The following PIP4K2B variants were observed in gnomAD, a reference collection of about 807,000 sequenced individuals.
The protein encoded by PIP4K2B is phosphatidylinositol 5-phosphate 4-kinase type-2 beta.
A neutral mutation model predicts 42.0 loss-of-function variants in PIP4K2B; 3 were observed. That is an observed-to-expected ratio of 0.07 (90% CI 0.03 to 0.18). The LOEUF (loss-of-function observed/expected upper bound fraction) is 0.18, where lower values mean the gene tolerates loss of function less well. Ranked by LOEUF, PIP4K2B falls within the 10% of genes least tolerant of loss-of-function variation. The pLI is 1.00. For missense variants in PIP4K2B, 332 were observed against 562.3 expected, an observed-to-expected ratio of 0.59 and a Z score of 4.14; for synonymous variants, 204 against 210.1, an observed-to-expected ratio of 0.97 and a Z score of 0.25.
intron 7 of PIP4K2B, among the ~76,000 whole-genome samples, chr17:38,773,602 G>C (rs961035329): frequency 6.6e-6 from 1 of 152,182 alleles, no homozygotes; most frequent in African/African-American, 2.4e-5. Context: ...GAGACTGTTA[G>C]ACTGACCACC....
intron 1 of PIP4K2B, among the ~76,000 whole-genome samples, chr17:38,788,590 C>T (rs1910168593): frequency 6.6e-6 from 1 of 151,936 alleles, no homozygotes; most frequent in Non-Finnish European, 1.5e-5. Context: ...GGCACAGTGG[C>T]TCATGCCTGT....
chr17:38,785,764 G>C (rs1218816168), intron 2 of PIP4K2B, among the ~76,000 whole-genome samples: 1 of 152,116 alleles, frequency 6.6e-6, no homozygotes, highest in African/African-American at 2.4e-5. Context: ...TAAGAGATTG[G>C]GTTCTCTGCT....
intron 1 of PIP4K2B, among the ~76,000 whole-genome samples, chr17:38,793,562 G>A (rs1022911578): frequency 1.3e-5 from 2 of 152,060 alleles, no homozygotes; most frequent in Non-Finnish European, 1.5e-5. Flanking sequence ...GATTTTTAAA[G>A]CAGTAGGGCA....
Position 38,799,237 on chromosome 17 carries a change from G to A in PIP4K2B, c.159+29C>T, listed in dbSNP as rs760150283. The A allele has an allele frequency of 1.3e-6, 2 of 1,565,010 alleles. No individual in the cohort carries two copies. Among genetic ancestry groups the A allele is most frequent in the Non-Finnish European group, 1.7e-6 (2 of 1,159,598 alleles). Reference sequence around the variant, plus strand: ...GGGGCGTGGGAGCGCGCGGGGCCGCGCTCAGAGGGGCGCGCAGGAGCTGGT... The same window carrying A: ...GGGGCGTGGGAGCGCGCGGGGCCGCACTCAGAGGGGCGCGCAGGAGCTGGT... On this transcript the variant is annotated intron_variant, in intron 1 of 9. Coordinates refer to ENST00000619039, the MANE Select transcript of PIP4K2B (RefSeq NM_003559.5). The surrounding 1 kb of genome is among the most constrained non-coding windows in gnomAD (Gnocchi z 4.4).
chr17:38,787,034 CTG>C, intron 1 of PIP4K2B, 114 bp from the exon 2 acceptor site: 3 of 776,688 alleles, frequency 3.9e-6, no homozygotes, highest in Non-Finnish European at 6.8e-6. Context: ...GTTTCCCTCT[CTG>C]TCTTTTTTTG....
intron 7 of PIP4K2B, 73 bp from the exon 8 acceptor site, chr17:38,771,345 G>A: frequency 6.5e-7 from 1 of 1,536,566 alleles, no homozygotes; most frequent in Non-Finnish European, 9.0e-7. Flanking sequence ...ATCCAGAAAG[G>A]GGGGAAAGGC....
rs555510546 is a variant in PIP4K2B at position 38,767,997 on chromosome 17, C to G, written c.*1694G>C. The G allele has an allele frequency of 6.6e-6, 1 of 152,394 alleles. No homozygotes were observed. The highest frequency in any genetic ancestry group is 2.4e-5 in the African/African-American group (1 of 41,590). The allele number at this position is 152,394 out of a possible 1,614,324, so 9.4% of individuals were successfully genotyped here. A position where few individuals can be genotyped will look rare whatever the true frequency, so the allele number is the denominator to read the frequency against. ...CCCCAGTGAAGTCCAAGAATGCCGT[C>G]TCCATTCTTTCCTGACCTATATGCT... On this transcript the variant is annotated 3_prime_UTR_variant, in exon 10 of 10. Coordinates refer to ENST00000619039, the MANE Select transcript of PIP4K2B (RefSeq NM_003559.5).
At chr17:38,778,196 GAC>G (rs1409042085) in intron 6 of PIP4K2B, 136 bp downstream of exon 6, 2 of 814,668 alleles carry the variant, frequency 2.5e-6, no homozygotes, top group African/African-American at 3.3e-5. Context: ...GGTGATTCAT[GAC>G]ACACGGCATT....
chr17:38,793,246 C>CA (rs1323899213), intron 1 of PIP4K2B, among the ~76,000 whole-genome samples: 2 of 128,064 alleles, frequency 1.6e-5, no homozygotes, highest in Non-Finnish European at 3.3e-5. Flanking sequence ...AAGATTTTTT[C>CA]TTTTTTTTTT....
chr17:38,796,139 A>AAAAC (rs1048903945), intron 1 of PIP4K2B, among the ~76,000 whole-genome samples: 2 of 152,186 alleles, frequency 1.3e-5, no homozygotes, highest in Non-Finnish European at 2.9e-5. Flanking sequence ...CTCCATCACA[A>AAAAC]AAACAAACAA....
chr17:38,794,369 C>T (rs1228906355), intron 1 of PIP4K2B, among the ~76,000 whole-genome samples: 1 of 151,532 alleles, frequency 6.6e-6, no homozygotes, highest in African/African-American at 2.4e-5. Flanking sequence ...TTCATTCAAG[C>T]GAGATGAATA....
chr17:38,774,026 G>A (rs1224420026), intron 7 of PIP4K2B, among the ~76,000 whole-genome samples: 2 of 152,242 alleles, frequency 1.3e-5, no homozygotes, highest in Non-Finnish European at 2.9e-5. Flanking sequence ...AAAGAACATA[G>A]TTGGGGGTGA....
intron 7 of PIP4K2B, chr17:38,775,933 G>A (rs1909314456): frequency 4.6e-6 from 2 of 433,924 alleles, no homozygotes. Flanking sequence ...AAGACATTAT[G>A]CTAAGCAAAA....
chr17:38,790,609 T>C (rs558178594), intron 1 of PIP4K2B, among the ~76,000 whole-genome samples: 1 of 152,204 alleles, frequency 6.6e-6, no homozygotes, highest in East Asian at 1.9e-4. Context: ...CAGGCGCATG[T>C]CACCATGCCC....
intron 1 of PIP4K2B, among the ~76,000 whole-genome samples, chr17:38,798,249 GT>G (rs962858798): frequency 6.6e-6 from 1 of 152,182 alleles, no homozygotes; most frequent in Non-Finnish European, 1.5e-5. Flanking sequence ...TGAAGTTGGT[GT>G]TTCGGGTCCT....
At chr17:38,776,674 A>G (rs1909371814) in intron 7 of PIP4K2B, 2 of 425,376 alleles carry the variant, frequency 4.7e-6, no homozygotes, top group South Asian at 1.7e-5. Context: ...ACCTATTATT[A>G]TATGTATTTT....
chr17:38,794,506 AAAAG>A (rs1275049280), intron 1 of PIP4K2B, among the ~76,000 whole-genome samples: 4 of 150,370 alleles, frequency 2.7e-5, no homozygotes, highest in African/African-American at 9.7e-5. Flanking sequence ...TAAAAAAAAA[AAAAG>A]AAGAAGAAGA....
intron 1 of PIP4K2B, among the ~76,000 whole-genome samples, chr17:38,795,598 AAAGT>A (rs1384687376): frequency 6.6e-6 from 1 of 151,772 alleles, no homozygotes; most frequent in African/African-American, 2.4e-5. Context: ...TAAGAATACA[AAAGT>A]TAGCTGGGTG....
chr17:38,794,496 T>TAAA (rs567475860), intron 1 of PIP4K2B, among the ~76,000 whole-genome samples: 2 of 120,462 alleles, frequency 1.7e-5, no homozygotes, highest in Admixed American at 8.8e-5. Context: ...ACAATACAAT[T>TAAA]AAAAAAAAAA....
Sources: allele counts gnomAD v4.1 joint callset (sites outside exome capture counted in the v4.1 genomes callset), GRCh38; gene constraint gnomAD v4.1.1; non-coding constraint Gnocchi (gnomAD v3.1); transcripts MANE v1.5; gene names NCBI Gene and HGNC (gene_info 2026-07-23, HGNC 2026-07-21).